SLC35F3: variants seen among roughly 807,000 people sequenced by gnomAD.
SLC35F3 encodes the protein solute carrier family 35 member F3.
In SLC35F3, 25 loss-of-function variants were observed where a neutral mutation model predicts 49.9. That is an observed-to-expected ratio of 0.50 (90% confidence interval 0.37 to 0.70). The LOEUF is 0.70. SLC35F3 is among the 30% of genes least tolerant of loss of function. The probability of loss-of-function intolerance (pLI) is 0.00; values close to 1 mark genes in which losing one functional copy is unlikely to be tolerated. For synonymous variants in SLC35F3, 275 were observed against 265.4 expected (o/e 1.04, Z -0.35); for missense variants, 525 against 639.8 (o/e 0.82, Z 1.94).
intron 4 of SLC35F3, among the ~76,000 whole-genome samples, chr1:234,313,488 A>T (rs1440184268): frequency 6.6e-6 from 1 of 151,836 alleles, no homozygotes; most frequent in Non-Finnish European, 1.5e-5. Context: ...TTCCTTCCTT[A>T]CCTCCAGCCA....
At chr1:234,245,827 C>T (rs770107134) in intron 3 of SLC35F3, among the ~76,000 whole-genome samples, 12 of 152,220 alleles carry the variant, frequency 7.9e-5, no homozygotes, top group South Asian at 2.1e-4. Flanking sequence ...AATCACACTG[C>T]GTTCATGGTT....
intron 2 of SLC35F3, among the ~76,000 whole-genome samples, chr1:234,121,356 T>G (rs1250825120): frequency 6.6e-6 from 1 of 151,908 alleles, no homozygotes; most frequent in African/African-American, 2.4e-5. Context: ...GCCAGGATGG[T>G]CTCGATCTCC....
At chr1:234,191,405 A>T (rs1411110090) in intron 2 of SLC35F3, among the ~76,000 whole-genome samples, 1 of 152,220 alleles carries the variant, frequency 6.6e-6, no homozygotes, top group Admixed American at 6.5e-5. Context: ...AAACTACAGT[A>T]ATGACACAAC....
intron 3 of SLC35F3, among the ~76,000 whole-genome samples, chr1:234,302,532 A>T (rs1443897225): frequency 6.6e-6 from 1 of 152,120 alleles, no homozygotes; most frequent in Non-Finnish European, 1.5e-5. Flanking sequence ...GAACAGAGGA[A>T]AGGGGCGGGT....
intron 2 of SLC35F3, among the ~76,000 whole-genome samples, chr1:234,025,950 T>A (rs1168164101): frequency 6.6e-6 from 1 of 152,214 alleles, no homozygotes; most frequent in Non-Finnish European, 1.5e-5. Flanking sequence ...TCTTACATTT[T>A]AAGTCGTTAA....
At chr1:233,980,181 T>C (rs891569693) in intron 2 of SLC35F3, among the ~76,000 whole-genome samples, 1 of 152,178 alleles carries the variant, frequency 6.6e-6, no homozygotes, top group Non-Finnish European at 1.5e-5. Context: ...GACTTTGGTG[T>C]TGGGAAGAAT....
chr1:234,159,975 G>A (rs1241065310), intron 2 of SLC35F3, among the ~76,000 whole-genome samples: 1 of 152,118 alleles, frequency 6.6e-6, no homozygotes, highest in Admixed American at 6.5e-5. Context: ...GAGGACAATG[G>A]GGCATAGAGA....
Position 234,069,083 on chromosome 1 carries a change from T to C in SLC35F3, c.284-162334T>C, listed in dbSNP as rs1235976686. 5.1e-5 allele frequency among the ~76,000 whole-genome samples: 3 copies of C among 58,278 alleles called. No individual in the cohort carries two copies. The Admixed American group carries it at 5.3e-4, about 10-fold the overall frequency. 38.2% of individuals were successfully genotyped at this position (58,278 alleles called of 152,430 possible). On this transcript the variant is annotated intron_variant, in intron 2 of 7. Transcript: ENST00000366618. ...ATTATAATATATATTATATGCAATA[T>C]ATATTATATATTATATTATAATATA... is the stretch of plus-strand genomic sequence containing the variant.
intron 2 of SLC35F3, among the ~76,000 whole-genome samples, chr1:234,010,980 A>G (rs144455239): frequency 1.0e-3 from 157 of 152,316 alleles, no homozygotes; most frequent in Non-Finnish European, 1.8e-3. Context: ...CTGAGGTTTT[A>G]AGTGAATATG....
At chr1:233,998,043 C>T (rs529351146) in intron 2 of SLC35F3, among the ~76,000 whole-genome samples, 50 of 152,214 alleles carry the variant, frequency 3.3e-4, no homozygotes, top group Admixed American at 2.2e-3. Context: ...TGAGCCACCG[C>T]GCCCAGCCCG....
At chr1:233,966,613 A>G (rs1402912953) in intron 2 of SLC35F3, among the ~76,000 whole-genome samples, 1 of 152,232 alleles carries the variant, frequency 6.6e-6, no homozygotes, top group Non-Finnish European at 1.5e-5. Flanking sequence ...GCCAACTCCA[A>G]GAATTTATAA....
intron 2 of SLC35F3, among the ~76,000 whole-genome samples, chr1:234,042,291 AAC>A (rs1664232652): frequency 7.3e-6 from 1 of 137,042 alleles, no homozygotes; most frequent in African/African-American, 3.2e-5. Flanking sequence ...CACTGAAAGA[AAC>A]AGGGGCATGA....
chr1:233,916,199 A>G (rs1428604042), intron 2 of SLC35F3, among the ~76,000 whole-genome samples: 1 of 152,250 alleles, frequency 6.6e-6, no homozygotes, highest in African/African-American at 2.4e-5. Flanking sequence ...GTTTATTCAA[A>G]CACTTTTACT....
intron 3 of SLC35F3, among the ~76,000 whole-genome samples, chr1:234,278,203 TAAAAG>T (rs905239021): frequency 1.4e-5 from 2 of 146,318 alleles, no homozygotes; most frequent in Admixed American, 6.8e-5. Context: ...GAAAAAAAAA[TAAAAG>T]GGCCGGGTGC....
At chr1:233,955,898 T>A (rs1185596739) in intron 2 of SLC35F3, among the ~76,000 whole-genome samples, 1 of 141,256 alleles carries the variant, frequency 7.1e-6, no homozygotes, top group Admixed American at 7.1e-5. Flanking sequence ...TTTTTTTTTT[T>A]TTTTTTTGAG....
At chr1:233,927,375 G>T (rs746337325) in intron 2 of SLC35F3, among the ~76,000 whole-genome samples, 2 of 151,952 alleles carry the variant, frequency 1.3e-5, no homozygotes, top group Non-Finnish European at 2.9e-5. Context: ...TTTTACATTT[G>T]TATCATCTAA....
intron 2 of SLC35F3, among the ~76,000 whole-genome samples, chr1:233,933,949 G>A (rs1026831829): frequency 7.9e-5 from 12 of 152,176 alleles, no homozygotes; most frequent in African/African-American, 2.4e-4. Flanking sequence ...TCCAAAGCAC[G>A]TAGAGATCAT....
At position 233,972,002 on chromosome 1, in the gene SLC35F3, G is replaced by C. The variant is rs150744558; in HGVS notation, c.283+66244G>C. ...GTGCCAGTGCCGTGTGTGTGTCAGG[G>C]ACCCTGGAGGTGAGGGAGCCCCAGC... On this transcript the variant is annotated intron_variant, in intron 2 of 7. Transcript: ENST00000366618. Among the ~76,000 whole-genome samples the C allele has an allele frequency of 2.0e-5, 3 of 152,350 alleles. No individual in the cohort carries two copies. The East Asian group carries it at 5.8e-4, about 29-fold the overall frequency.
At chr1:233,918,210 C>G (rs1421552553) in intron 2 of SLC35F3, among the ~76,000 whole-genome samples, 3 of 152,288 alleles carry the variant, frequency 2.0e-5, no homozygotes, top group Admixed American at 1.3e-4. Flanking sequence ...ACTTGAATAC[C>G]CAGGGCCATG....
Sources: allele counts gnomAD v4.1 joint callset (sites outside exome capture counted in the v4.1 genomes callset), GRCh38; gene constraint gnomAD v4.1.1; transcripts MANE v1.5; gene names NCBI Gene and HGNC (gene_info 2026-07-23, HGNC 2026-07-21).